The following NRG1 variants were observed in gnomAD, a reference collection of about 807,000 sequenced individuals.
NRG1 encodes the protein neuregulin 1.
A neutral mutation model predicts 63.8 loss-of-function variants in NRG1; 18 were observed. The observed-to-expected ratio is 0.28, with a 90% confidence interval of 0.19 to 0.42. NRG1 has a LOEUF of 0.42. Ranked by LOEUF, NRG1 falls within the 10% of genes least tolerant of loss-of-function variation. NRG1 has a pLI of 1.00. For synonymous variants in NRG1, 302 were observed against 301.3 expected (o/e 1.00, Z -0.02); for missense variants, 762 against 814.7 (o/e 0.94, Z 0.79).
intron 1 of NRG1, among the ~76,000 whole-genome samples, chr8:31,799,907 T>A (rs1821591793): frequency 6.6e-6 from 1 of 152,174 alleles, no homozygotes; most frequent in Non-Finnish European, 1.5e-5. Context: ...GAGGTCAATC[T>A]GAATAAGATA....
At chr8:31,939,742 TG>T (rs1268752599) in intron 1 of NRG1, among the ~76,000 whole-genome samples, 1 of 151,958 alleles carries the variant, frequency 6.6e-6, no homozygotes, top group Non-Finnish European at 1.5e-5. Flanking sequence ...TTTATGCAAA[TG>T]GGCATCAAAA....
chr8:32,457,570 T>C (rs1821754707), intron 1 of NRG1, among the ~76,000 whole-genome samples: 1 of 152,214 alleles, frequency 6.6e-6, no homozygotes, highest in African/African-American at 2.4e-5. Context: ...ATATGATTCC[T>C]CTTAGCAATA....
chr8:32,353,389 C>G (rs2129479967), intron 1 of NRG1, among the ~76,000 whole-genome samples: 1 of 151,140 alleles, frequency 6.6e-6, no homozygotes, highest in Non-Finnish European at 1.5e-5. Flanking sequence ...TGTAAATTTA[C>G]AATTATAGAG....
intron 1 of NRG1, among the ~76,000 whole-genome samples, chr8:32,527,563 T>C (rs1300997119): frequency 6.6e-6 from 1 of 152,096 alleles, no homozygotes; most frequent in East Asian, 1.9e-4. Flanking sequence ...AATGGGTCAA[T>C]ATACACTAAA....
chr8:31,708,338 G>A (rs1253426252), intron 1 of NRG1, among the ~76,000 whole-genome samples: 1 of 152,086 alleles, frequency 6.6e-6, no homozygotes. Flanking sequence ...AGGGATGGCT[G>A]ACCATGAGAT....
Position 32,742,683 on chromosome 8 carries a change from A to G in NRG1, c.641A>G (p.Asn214Ser), listed in dbSNP as rs1053672648. ...TTTGTTTCTTCTCTCAGGTGCCCAA[A>G]TGAGTTTACTGGTGATCGCTGCCAA... Residue 214 changes from asparagine to serine, a missense_variant, in exon 7 of 12, where the codon AAT (asparagine) becomes AGT (serine). Asn to Ser is a conservative substitution (Grantham distance 46, BLOSUM62 1). This residue lies in a region of NRG1 where 122 missense variants were observed against 190.1 expected (regional missense o/e 0.64). Coordinates refer to ENST00000356819, the Ensembl canonical transcript of NRG1. The surrounding 1 kb of genome is among the most constrained non-coding windows in gnomAD (Gnocchi z 4.2). 2 of 1,613,480 alleles carry G rather than the reference A, an allele frequency of 1.2e-6. No homozygotes were observed. Among genetic ancestry groups the G allele is most frequent in the African/African-American group, 2.7e-5 (2 of 74,830 alleles).
At chr8:31,982,141 G>C (rs1391192846) in intron 1 of NRG1, among the ~76,000 whole-genome samples, 1 of 151,898 alleles carries the variant, frequency 6.6e-6, no homozygotes, top group African/African-American at 2.4e-5. Flanking sequence ...GTACCTCATA[G>C]GCTCTGATTA....
At chr8:31,935,338 G>T (rs979693952) in intron 1 of NRG1, among the ~76,000 whole-genome samples, 3 of 151,874 alleles carry the variant, frequency 2.0e-5, no homozygotes, top group Admixed American at 1.3e-4. Flanking sequence ...GCCCAGGCTG[G>T]TCTCAAACTC....
chr8:32,147,343 A>T (rs1382529386), intron 1 of NRG1, among the ~76,000 whole-genome samples: 2 of 152,236 alleles, frequency 1.3e-5, no homozygotes, highest in African/African-American at 4.8e-5. Context: ...TTATTTACAA[A>T]TTGGAAACAA....
intron 1 of NRG1, among the ~76,000 whole-genome samples, chr8:31,955,196 C>A (rs1244896534): frequency 6.6e-6 from 1 of 151,898 alleles, no homozygotes; most frequent in Admixed American, 6.6e-5. Context: ...TTTGCACCAA[C>A]CTAATATTAA....
chr8:32,040,731 TATATATG>T (rs1819844857), intron 1 of NRG1, among the ~76,000 whole-genome samples: 1 of 46,548 alleles, frequency 2.1e-5, no homozygotes, highest in African/African-American at 6.2e-5. Context: ...TATATATATA[TATATATG>T]AAATTTAGGC....
At chr8:32,515,545 G>C (rs1829735966) in intron 1 of NRG1, among the ~76,000 whole-genome samples, 2 of 151,938 alleles carry the variant, frequency 1.3e-5, no homozygotes. Context: ...CCTGGCTGAA[G>C]CAATCCTTTC....
intron 1 of NRG1, among the ~76,000 whole-genome samples, chr8:32,193,669 G>T (rs1471172766): frequency 6.6e-6 from 1 of 152,104 alleles, no homozygotes; most frequent in Non-Finnish European, 1.5e-5. Flanking sequence ...CTGCCAAAAA[G>T]ATACGTTAGA....
At chr8:32,147,930 T>C (rs1391116574) in intron 1 of NRG1, among the ~76,000 whole-genome samples, 1 of 152,134 alleles carries the variant, frequency 6.6e-6, no homozygotes, top group Admixed American at 6.6e-5. Flanking sequence ...TTTACCCCTC[T>C]CCAAAAATAA....
At chr8:32,493,751 A>G (rs1826872232) in intron 1 of NRG1, among the ~76,000 whole-genome samples, 1 of 152,198 alleles carries the variant, frequency 6.6e-6, no homozygotes, top group Non-Finnish European at 1.5e-5. Flanking sequence ...TTTGCTCTTA[A>G]TGTTGCCTGA....
chr8:31,798,013 G>A (rs1323248537), intron 1 of NRG1, among the ~76,000 whole-genome samples: 1 of 152,114 alleles, frequency 6.6e-6, no homozygotes. Flanking sequence ...GTAGAATTGT[G>A]GTTATTAGAG....
At chr8:31,980,738 T>C (rs1808931162) in intron 1 of NRG1, among the ~76,000 whole-genome samples, 2 of 152,060 alleles carry the variant, frequency 1.3e-5, no homozygotes, top group African/African-American at 4.8e-5. Context: ...TGAAGTCCCA[T>C]GTTTTCTGTG....
chr8:32,173,507 A>C (rs1840321416), intron 1 of NRG1, among the ~76,000 whole-genome samples: 1 of 152,138 alleles, frequency 6.6e-6, no homozygotes, highest in Admixed American at 6.5e-5. Flanking sequence ...CCTTAAATGT[A>C]AATGGGCTAA....
intron 7 of NRG1, among the ~76,000 whole-genome samples, chr8:32,745,681 T>G (rs1330928372): frequency 6.6e-6 from 1 of 151,996 alleles, no homozygotes; most frequent in East Asian, 1.9e-4. Flanking sequence ...GGGGGGTGTG[T>G]GTGTGTTCGT....
Sources: allele counts gnomAD v4.1 joint callset (sites outside exome capture counted in the v4.1 genomes callset), GRCh38; gene constraint gnomAD v4.1.1; regional missense constraint gnomAD v4.1.1; non-coding constraint Gnocchi (gnomAD v3.1); transcripts MANE v1.5; gene names NCBI Gene and HGNC (gene_info 2026-07-23, HGNC 2026-07-21).